The following MTMR12 variants were observed in gnomAD, a reference collection of about 807,000 sequenced individuals.
MTMR12 encodes the protein myotubularin-related protein 12.
In MTMR12, 33 loss-of-function variants were observed where a neutral mutation model predicts 96.7. The observed-to-expected ratio is 0.34, with a 90% confidence interval of 0.26 to 0.46. The LOEUF is 0.46. MTMR12 is among the 20% of genes least tolerant of loss of function. MTMR12 has a pLI of 1.00. For synonymous variants in MTMR12, 298 were observed against 327.2 expected, an observed-to-expected ratio of 0.91 and a Z score of 0.96; for missense variants, 721 against 896.1, an observed-to-expected ratio of 0.80 and a Z score of 2.49.
intron 7 of MTMR12, among the ~76,000 whole-genome samples, chr5:32,261,772 C>T (rs1172408664): frequency 6.6e-6 from 1 of 152,024 alleles, no homozygotes; most frequent in Non-Finnish European, 1.5e-5. Context: ...AAGAAGTGCT[C>T]AATAAAAGGG....
At chr5:32,254,789 A>T (rs2112037430) in intron 8 of MTMR12, among the ~76,000 whole-genome samples, 1 of 152,308 alleles carries the variant, frequency 6.6e-6, no homozygotes, top group South Asian at 2.1e-4. Context: ...GGCTGCAGTG[A>T]GCAGAGATTG....
intron 10 of MTMR12, among the ~76,000 whole-genome samples, chr5:32,246,335 G>T (rs1310951434): frequency 2.0e-5 from 3 of 152,004 alleles, no homozygotes; most frequent in African/African-American, 7.3e-5. Context: ...GCTAATTTTT[G>T]TATTTTTAGC....
chr5:32,273,332 C>A (rs550464003), intron 3 of MTMR12, among the ~76,000 whole-genome samples: 1 of 152,090 alleles, frequency 6.6e-6, no homozygotes, highest in Non-Finnish European at 1.5e-5. Flanking sequence ...GCCACGACTA[C>A]GCCACAGCAC....
In MTMR12 at chr5:32,233,007, G is replaced by C; in HGVS notation, c.1674+766C>G. 1.0e-6 allele frequency: 1 copy of C among 985,054 alleles called. No homozygotes were observed. The highest frequency in any genetic ancestry group is 1.2e-6 in the Non-Finnish European group (1 of 829,576). The allele number at this position is 985,054 out of a possible 1,614,324, so 61.0% of individuals were successfully genotyped here. ...GGACTCTGTGGGGGAGAAATTCTGG[G>C]CCTGGAGACAGAGCTAGGAAATGTC... On this transcript the variant is annotated intron_variant, in intron 15 of 15. Coordinates refer to ENST00000382142, the MANE Select transcript of MTMR12 (RefSeq NM_001040446.3). This position sits in a 1 kb window ranked among gnomAD's most constrained non-coding sequence, Gnocchi z 5.0.
intron 7 of MTMR12, among the ~76,000 whole-genome samples, chr5:32,262,427 C>G (rs944746628): frequency 6.6e-6 from 1 of 151,990 alleles, no homozygotes; most frequent in Admixed American, 6.6e-5. Context: ...ATGGTGAAAC[C>G]CCATCTCTAC....
intron 3 of MTMR12, 122 bp downstream of exon 3, chr5:32,273,858 T>C: frequency 2.1e-6 from 3 of 1,395,646 alleles, no homozygotes; most frequent in Admixed American, 4.0e-5. Context: ...ACATTCAGGA[T>C]TTCTGTCCTT....
Position 32,230,104 on chromosome 5 carries a change from C to T in MTMR12, c.1918G>A (p.Ala640Thr). Residue 640 changes from alanine (A) to threonine (T), a missense_variant, in exon 16 of 16, where the codon GCC becomes ACC. Physicochemically the swap from Ala to Thr is moderately conservative, Grantham distance 58 (BLOSUM62 0). Transcript: ENST00000382142. ...GGAATCCAACGTAGGTAGCGCTGGGCCCAGACTTTGATTTCGGGCCCCTCG... is the reference window on the plus strand; with the variant it reads ...GGAATCCAACGTAGGTAGCGCTGGGTCCAGACTTTGATTTCGGGCCCCTCG... ...HIEGPEIKVW[A>T]QRYLRWIPEA... 1 of 1,612,452 alleles carries T rather than the reference C, an allele frequency of 6.2e-7. No homozygotes were observed. The highest frequency in any genetic ancestry group is 8.5e-7 in the Non-Finnish European group (1 of 1,178,826).
At chr5:32,310,425 T>C (rs895255306) in intron 1 of MTMR12, among the ~76,000 whole-genome samples, 28 of 152,092 alleles carry the variant, frequency 1.8e-4, no homozygotes, top group African/African-American at 6.8e-4. Flanking sequence ...AACAAATGAA[T>C]AGATAAAGAA....
intron 7 of MTMR12, among the ~76,000 whole-genome samples, chr5:32,262,530 G>A (rs373186474): frequency 3.3e-5 from 5 of 152,182 alleles, no homozygotes; most frequent in South Asian, 4.2e-4. Flanking sequence ...GAGCCGAGAC[G>A]GAGGTTGCAG....
At chr5:32,235,889 T>C (rs749966392) in intron 13 of MTMR12, among the ~76,000 whole-genome samples, 2 of 152,290 alleles carry the variant, frequency 1.3e-5, no homozygotes, top group East Asian at 3.9e-4. Context: ...TAAGAGAAGC[T>C]ATGTTAGTCT....
At chr5:32,302,093 G>C (rs572124023) in intron 1 of MTMR12, among the ~76,000 whole-genome samples, 5 of 151,900 alleles carry the variant, frequency 3.3e-5, no homozygotes, top group Admixed American at 2.6e-4. Flanking sequence ...CCTATCTTAC[G>C]GCTGAAATCC....
chr5:32,233,903 G>T lies in MTMR12; in HGVS notation c.1544C>A (p.Pro515His). ...ATCCCACACGGTGAGCAGATTCAAAGGCTTGCTTTGTGTATCCTGGCCTTC... is the reference window on the plus strand; with the variant it reads ...ATCCCACACGGTGAGCAGATTCAAATGCTTGCTTTGTGTATCCTGGCCTTC... ...GREGQDTQSK[P>H]LNLLTVWDWS... Residue 515 changes from proline to histidine, a missense_variant, in exon 15 of 16, where the codon CCT becomes CAT. Transcript: ENST00000382142. This position sits in a 1 kb window ranked among gnomAD's most constrained non-coding sequence, Gnocchi z 5.0. The T allele has an allele frequency of 6.2e-7, 1 of 1,614,168 alleles. No homozygotes were observed. Among genetic ancestry groups the T allele is most frequent in the South Asian group, 1.1e-5 (1 of 91,080 alleles).
chr5:32,280,634 A>C (rs930497604), intron 1 of MTMR12, among the ~76,000 whole-genome samples: 1 of 152,140 alleles, frequency 6.6e-6, no homozygotes, highest in Non-Finnish European at 1.5e-5. Context: ...GTCTTTCTCT[A>C]TGTTTCTCCA....
Position 32,312,615 on chromosome 5 carries a change from G to A in MTMR12, c.81+143C>T. 9.7e-6 allele frequency: 7 copies of A among 724,572 alleles called. No individual in the cohort carries two copies. Among genetic ancestry groups the A allele is most frequent in the South Asian group, 6.3e-5 (1 of 15,994 alleles). The allele number at this position is 724,572 out of a possible 1,614,324, so 44.9% of individuals were successfully genotyped here. A position where few individuals can be genotyped will look rare whatever the true frequency, so the allele number is the denominator to read the frequency against. ...GCGGAGGCCCCAGCGCGCTCCTGCG[G>A]CCTCAGCCCGCCTGGCTGCCCCGTC... On this transcript the variant is annotated intron_variant, in intron 1 of 15. Coordinates refer to ENST00000382142, the MANE Select transcript of MTMR12 (RefSeq NM_001040446.3). This position sits in a 1 kb window ranked among gnomAD's most constrained non-coding sequence, Gnocchi z 5.0.
chr5:32,290,974 A>ACAGTGGCTAGCCATACAGTTG (rs1313646271), intron 1 of MTMR12, among the ~76,000 whole-genome samples: 1 of 152,214 alleles, frequency 6.6e-6, no homozygotes, highest in Non-Finnish European at 1.5e-5. Flanking sequence ...ATCTAGCCAT[A>ACAGTGGCTAGCCATACAGTTG]CAGTGGGTCG....
chr5:32,302,823 T>A (rs1005025147), intron 1 of MTMR12, among the ~76,000 whole-genome samples: 3 of 151,666 alleles, frequency 2.0e-5, no homozygotes, highest in African/African-American at 7.3e-5. Context: ...AAAAAGTCAA[T>A]AACTAAGTGT....
At chr5:32,301,378 T>G (rs1398111981) in intron 1 of MTMR12, among the ~76,000 whole-genome samples, 1 of 152,174 alleles carries the variant, frequency 6.6e-6, no homozygotes, top group Non-Finnish European at 1.5e-5. Context: ...ACAGACTGAC[T>G]GACCCCCTAG....
chr5:32,274,265 G>T, intron 2 of MTMR12, 143 bp from the exon 3 acceptor site: 2 of 962,372 alleles, frequency 2.1e-6, no homozygotes, highest in Non-Finnish European at 3.0e-6. Flanking sequence ...TTTCAGCATG[G>T]CAGGAGCTGC....
In MTMR12 at chr5:32,235,241, T is replaced by C; in HGVS notation, c.1345-112A>G. 6.2e-6 allele frequency: 6 copies of C among 960,980 alleles called. 1 individual carries two copies. Among genetic ancestry groups the C allele is most frequent in the Non-Finnish European group, 9.1e-6 (6 of 662,712 alleles). 59.5% of individuals were successfully genotyped at this position (960,980 alleles called of 1,614,324 possible). A position where few individuals can be genotyped will look rare whatever the true frequency, so the allele number is the denominator to read the frequency against. ...GGAATAAGCACTTCTGAGGACTTCA[T>C]TCTCTGGGAAACACAGAATACTCCA... On this transcript the variant is annotated intron_variant, in intron 13 of 15. Transcript: ENST00000382142.
Sources: gnomAD v4.1 joint callset for allele counts (sites outside exome capture counted in the v4.1 genomes callset) on GRCh38, gnomAD v4.1.1 for gene constraint, Gnocchi (gnomAD v3.1) non-coding constraint, MANE v1.5 for transcripts, NCBI Gene and HGNC (gene_info 2026-07-23, HGNC 2026-07-21) for gene names.